RAPH1: variants seen among roughly 807,000 people sequenced by gnomAD.
The protein encoded by RAPH1 is Ras association (RalGDS/AF-6) and pleckstrin homology domains 1.
Under a neutral mutation model 88.1 loss-of-function variants are expected in RAPH1, and 18 were observed. The observed-to-expected ratio is 0.20, with a 90% confidence interval of 0.14 to 0.30. RAPH1 has a LOEUF of 0.30. Ranked by LOEUF, RAPH1 falls within the 10% of genes least tolerant of loss-of-function variation. The pLI is 1.00. For synonymous variants in RAPH1, 587 were observed against 559.0 expected, an observed-to-expected ratio of 1.05 and a Z score of -0.71; for missense variants, 1,448 against 1,543.2, an observed-to-expected ratio of 0.94 and a Z score of 1.03.
intron 4 of RAPH1, among the ~76,000 whole-genome samples, chr2:203,477,770 G>A (rs1427406607): frequency 6.6e-6 from 1 of 152,076 alleles, no homozygotes; most frequent in Non-Finnish European, 1.5e-5. Context: ...TAAAGAGAAA[G>A]TATCTTTAGT....
At chr2:203,516,458 G>T (rs1689610482) in intron 1 of RAPH1, among the ~76,000 whole-genome samples, 1 of 152,240 alleles carries the variant, frequency 6.6e-6, no homozygotes, top group Non-Finnish European at 1.5e-5. Flanking sequence ...AATTGAAAGA[G>T]ATTTTTGTTG....
chr2:203,482,962 A>T (rs1042121819), intron 4 of RAPH1, among the ~76,000 whole-genome samples: 2 of 152,180 alleles, frequency 1.3e-5, no homozygotes, highest in Non-Finnish European at 2.9e-5. Context: ...TACACAGAAG[A>T]CTGGGGAAAG....
In RAPH1 at chr2:203,461,311, T is replaced by C; in HGVS notation, c.908A>G (p.Lys303Arg). Residue 303 changes from lysine (K) to arginine (R), a missense_variant, in exon 6 of 14, where the codon AAA becomes AGA. By Grantham distance (26) the Lys-to-Arg change is conservative. This residue lies in a region of RAPH1 where 513 missense variants were observed against 653.1 expected (regional missense o/e 0.79). Transcript: ENST00000319170. The stretch of plus-strand genomic sequence containing the variant: ...GTCTAAACTATAACCGCAGTGGGAT[T>C]TGTCCATCAGGTTATCCAGTACTTG... Reference protein sequence around the residue: ...VRQVLDNLMDKSHCGYSLDWS... With the variant: ...VRQVLDNLMDRSHCGYSLDWS... 2 of 1,609,232 alleles carry C rather than the reference T, an allele frequency of 1.2e-6. No individual in the cohort carries two copies. Among genetic ancestry groups the C allele is most frequent in the African/African-American group, 1.3e-5 (1 of 74,784 alleles).
intron 1 of RAPH1, among the ~76,000 whole-genome samples, chr2:203,517,536 G>A (rs921812563): frequency 4.6e-5 from 7 of 151,946 alleles, no homozygotes; most frequent in Admixed American, 2.0e-4. Context: ...ACATCTATGC[G>A]CTAATTCATC....
intron 1 of RAPH1, among the ~76,000 whole-genome samples, chr2:203,504,861 A>G (rs1313135554): frequency 6.6e-6 from 1 of 152,126 alleles, no homozygotes; most frequent in Non-Finnish European, 1.5e-5. Context: ...AGTTCTACAA[A>G]TCTCTAGCGC....
At chr2:203,519,174 A>G (rs565997543) in intron 1 of RAPH1, among the ~76,000 whole-genome samples, 1 of 150,804 alleles carries the variant, frequency 6.6e-6, no homozygotes, top group East Asian at 1.9e-4. Context: ...TAATACCAAA[A>G]CCAGAGAAAG....
intron 6 of RAPH1, among the ~76,000 whole-genome samples, chr2:203,460,350 G>A (rs1233124826): frequency 6.6e-6 from 1 of 152,114 alleles, no homozygotes; most frequent in Non-Finnish European, 1.5e-5. Context: ...CATCTTATAA[G>A]TTTCGATATC....
In RAPH1 at chr2:203,535,217, G is replaced by C. The variant is rs1690564533; in HGVS notation, c.-107C>G. On this transcript the variant is annotated 5_prime_UTR_variant, in exon 1 of 14. Coordinates refer to ENST00000319170, the MANE Select transcript of RAPH1 (RefSeq NM_213589.3). ...CCCCAGGCGCGGCGCTCCCTCGCCA[G>C]AGACGCAGCGACTGCCAGCAGCTCC... 6.6e-6 allele frequency: 1 copy of C among 152,338 alleles called. No individual in the cohort carries two copies. Among genetic ancestry groups the C allele is most frequent in the Non-Finnish European group, 1.5e-5 (1 of 68,152 alleles). The allele number at this position is 152,338 out of a possible 1,614,324, so 9.4% of individuals were successfully genotyped here. A position where few individuals can be genotyped will look rare whatever the true frequency, so the allele number is the denominator to read the frequency against.
chr2:203,441,363 T>A lies in RAPH1; in HGVS notation c.1827A>T (p.Leu609Phe). ...GGGTGACTATCTTAGGTTGCGGGGA[T>A]AAAGGGGGCACAAGTGAAGTGTAGG... ...NRPYTSLVPP[L>F]SPQPKIVTPY... is the part of the protein sequence containing the mutation. The change falls in exon 14 of 14, where the codon TTA becomes TTT. Residue 609 changes from leucine (L) to phenylalanine (F), a missense_variant. By Grantham distance (22) the Leu-to-Phe change is conservative. Coordinates refer to ENST00000319170, the MANE Select transcript of RAPH1 (RefSeq NM_213589.3). 2 of 1,570,400 alleles carry A rather than the reference T, an allele frequency of 1.3e-6. No individual in the cohort carries two copies. Among genetic ancestry groups the A allele is most frequent in the South Asian group, 2.4e-5 (2 of 82,258 alleles).
At chr2:203,494,710 G>A (rs2600717) in intron 2 of RAPH1, among the ~76,000 whole-genome samples, 1 of 151,376 alleles carries the variant, frequency 6.6e-6, no homozygotes, top group Non-Finnish European at 1.5e-5. Flanking sequence ...TCGGGAGGCT[G>A]AGGCAGGAGA....
At chr2:203,492,621 GA>G (rs1688319555) in intron 2 of RAPH1, among the ~76,000 whole-genome samples, 1 of 152,148 alleles carries the variant, frequency 6.6e-6, no homozygotes, top group Non-Finnish European at 1.5e-5. Flanking sequence ...TTACAACAGA[GA>G]AATTCAGAGA....
At chr2:203,451,124 T>TA (rs2098514523) in intron 10 of RAPH1, among the ~76,000 whole-genome samples, 1 of 152,162 alleles carries the variant, frequency 6.6e-6, no homozygotes, top group African/African-American at 2.4e-5. Context: ...AGGCATTCAT[T>TA]ACTTTCCTTA....
chr2:203,470,212 G>A (rs1226465206), intron 4 of RAPH1: 1 of 1,500,364 alleles, frequency 6.7e-7, no homozygotes, highest in Non-Finnish European at 9.2e-7. Flanking sequence ...GCAGTAAATA[G>A]TTACATGCAT....
intron 1 of RAPH1, among the ~76,000 whole-genome samples, chr2:203,521,897 CTTA>C (rs1689891812): frequency 6.6e-6 from 1 of 151,986 alleles, no homozygotes; most frequent in African/African-American, 2.4e-5. Context: ...AGGATTAAGT[CTTA>C]TTTTCTTTTT....
At chr2:203,455,298 T>C in intron 9 of RAPH1, 139 bp downstream of exon 9, 1 of 739,674 alleles carries the variant, frequency 1.4e-6, no homozygotes, top group Non-Finnish European at 2.1e-6. Context: ...TTATAATAGA[T>C]TAATAAACAA....
chr2:203,444,857 G>T lies in RAPH1; in HGVS notation c.1776+11C>A, dbSNP rs750116147. The T allele has an allele frequency of 6.2e-7, 1 of 1,611,040 alleles. No homozygotes were observed. The highest frequency in any genetic ancestry group is 1.7e-5 in the Admixed American group (1 of 59,368). Reference sequence around the variant, plus strand: ...CAGAATTTTCAATGTAAATTAAAACGAAGCTGTTACCTTGCTGGACTCTTC... The same window carrying T: ...CAGAATTTTCAATGTAAATTAAAACTAAGCTGTTACCTTGCTGGACTCTTC... On this transcript the variant is annotated intron_variant, in intron 13 of 13. Transcript: ENST00000319170.
chr2:203,529,711 C>G (rs1690303889), intron 1 of RAPH1, among the ~76,000 whole-genome samples: 1 of 152,158 alleles, frequency 6.6e-6, no homozygotes, highest in Non-Finnish European at 1.5e-5. Context: ...TACAATAATA[C>G]TGGGCCTACT....
At chr2:203,484,987 G>A (rs1192109550) in intron 4 of RAPH1, among the ~76,000 whole-genome samples, 1 of 152,180 alleles carries the variant, frequency 6.6e-6, no homozygotes, top group Non-Finnish European at 1.5e-5. Context: ...CACATGGTAA[G>A]TGCAGAAAAC....
At position 203,440,626 on chromosome 2, in the gene RAPH1, A is replaced by G; in HGVS notation, c.2564T>C (p.Leu855Pro). 7.1e-7 allele frequency: 1 copy of G among 1,408,088 alleles called. No homozygotes were observed. Among genetic ancestry groups the G allele is most frequent in the East Asian group, 2.9e-5 (1 of 34,772 alleles). 87.2% of individuals were successfully genotyped at this position (1,408,088 alleles called of 1,614,324 possible). ...SFCAKPPPSP[L>P]SPVPSVVKQI... ...CTTCACGACCGAGGGCACCGGTGACAGTGGAGAGGGAGGGGGTTTTGCACA... is the reference window on the plus strand; with the variant it reads ...CTTCACGACCGAGGGCACCGGTGACGGTGGAGAGGGAGGGGGTTTTGCACA... Residue 855 changes from leucine to proline, a missense_variant, in exon 14 of 14, where the codon CTG becomes CCG. Leu to Pro is a moderately conservative substitution (Grantham distance 98). Coordinates refer to ENST00000319170, the MANE Select transcript of RAPH1 (RefSeq NM_213589.3).
Sources: gnomAD v4.1 joint callset for allele counts (sites outside exome capture counted in the v4.1 genomes callset) on GRCh38, gnomAD v4.1.1 for gene constraint, gnomAD v4.1.1 regional missense constraint, MANE v1.5 for transcripts, NCBI Gene and HGNC (gene_info 2026-07-23, HGNC 2026-07-21) for gene names.